ADAMTSL3: variants seen among roughly 807,000 people sequenced by gnomAD.
ADAMTSL3 encodes ADAMTS like 3, also known as ADAMTS-like protein 3.
A neutral mutation model predicts 201.7 loss-of-function variants in ADAMTSL3; 128 were observed. The observed-to-expected ratio is 0.63, with a 90% CI of 0.55 to 0.73. The LOEUF is 0.73. Ranked by LOEUF, ADAMTSL3 falls within the 30% of genes least tolerant of loss-of-function variation. The pLI is 0.00. For missense variants in ADAMTSL3, 1,990 were observed against 2,119.6 expected, an observed-to-expected ratio of 0.94 and a Z score of 1.20; for synonymous variants, 738 against 748.4, an observed-to-expected ratio of 0.99 and a Z score of 0.23.
chr15:84,037,859 C>T lies in ADAMTSL3; in HGVS notation c.*53C>T. 1 of 1,556,100 alleles carries T rather than the reference C, an allele frequency of 6.4e-7. No homozygotes were observed. Among genetic ancestry groups the T allele is most frequent in the South Asian group, 1.2e-5 (1 of 81,144 alleles). On this transcript the variant is annotated 3_prime_UTR_variant, in exon 30 of 30. Coordinates refer to ENST00000286744, the MANE Select transcript of ADAMTSL3 (RefSeq NM_207517.3). ...TGAAGATAAAAGTAGAATATAAAAG[C>T]TCTTTTCCCCATGTCGCTGATTCAA... is the stretch of plus-strand genomic sequence containing the variant.
At chr15:83,661,547 G>A (rs1486101860) in intron 2 of ADAMTSL3, among the ~76,000 whole-genome samples, 2 of 151,976 alleles carry the variant, frequency 1.3e-5, no homozygotes, top group Admixed American at 1.3e-4. Context: ...TGAAGCAATT[G>A]TGAACGGGAG....
chr15:83,991,240 G>A, intron 23 of ADAMTSL3, 26 bp downstream of exon 23: 1 of 1,613,484 alleles, frequency 6.2e-7, no homozygotes, highest in Non-Finnish European at 8.5e-7. Context: ...TCAGTGGGAG[G>A]CCATTTCAGT....
chr15:83,960,904 G>C (rs1005338299), intron 19 of ADAMTSL3, among the ~76,000 whole-genome samples: 1 of 152,154 alleles, frequency 6.6e-6, no homozygotes, highest in Non-Finnish European at 1.5e-5. Context: ...AAATCAAAAG[G>C]GAGGGAGGAA....
In ADAMTSL3 at chr15:83,938,492, A is replaced by G. The variant is rs1044043415; in HGVS notation, c.2118-4104A>G. On this transcript the variant is annotated intron_variant, in intron 17 of 29. Transcript: ENST00000286744. Reference sequence around the variant, plus strand: ...GCATTGCTACCCTTTAAAAGGGCAGATTTTATGTTATGTAAACTGCATCTC... The same window carrying G: ...GCATTGCTACCCTTTAAAAGGGCAGGTTTTATGTTATGTAAACTGCATCTC... Among the ~76,000 whole-genome samples the G allele has an allele frequency of 4.6e-5, 7 of 152,216 alleles. 1 individual carries two copies. Among genetic ancestry groups the G allele is most frequent in the African/African-American group, 1.7e-4 (7 of 41,454 alleles).
At chr15:83,967,217 T>C (rs1246559837) in intron 19 of ADAMTSL3, among the ~76,000 whole-genome samples, 1 of 152,114 alleles carries the variant, frequency 6.6e-6, no homozygotes, top group Non-Finnish European at 1.5e-5. Flanking sequence ...GGTATTCAAA[T>C]AGGAAGAGAG....
At chr15:83,958,401 A>G (rs2066898582) in intron 19 of ADAMTSL3, among the ~76,000 whole-genome samples, 1 of 152,144 alleles carries the variant, frequency 6.6e-6, no homozygotes, top group Non-Finnish European at 1.5e-5. Context: ...AAGGAAAGAG[A>G]TGTTCAGATC....
chr15:83,891,964 C>T (rs57548773), intron 12 of ADAMTSL3, among the ~76,000 whole-genome samples: 19,269 of 152,256 alleles, frequency 0.13, 1,514 homozygotes, highest in Non-Finnish European at 0.17. Flanking sequence ...CCTGTAATCC[C>T]AGCACTTTGG....
At chr15:83,755,167 G>A (rs1169955990) in intron 3 of ADAMTSL3, among the ~76,000 whole-genome samples, 2 of 152,028 alleles carry the variant, frequency 1.3e-5, no homozygotes, top group Non-Finnish European at 2.9e-5. Context: ...TTGAAAGAAA[G>A]GCTGTATTTA....
At chr15:83,679,620 G>T (rs564185538) in intron 2 of ADAMTSL3, among the ~76,000 whole-genome samples, 1 of 152,124 alleles carries the variant, frequency 6.6e-6, no homozygotes, top group Non-Finnish European at 1.5e-5. Flanking sequence ...CCACACAGTA[G>T]TTCAGTTCTC....
intron 2 of ADAMTSL3, among the ~76,000 whole-genome samples, chr15:83,691,234 A>C (rs1330942713): frequency 1.3e-5 from 2 of 152,204 alleles, no homozygotes; most frequent in African/African-American, 4.8e-5. Context: ...CAATGGTATT[A>C]CTTTGGTAAT....
chr15:83,743,294 A>G (rs1200163293), intron 3 of ADAMTSL3, among the ~76,000 whole-genome samples: 1 of 151,958 alleles, frequency 6.6e-6, no homozygotes, highest in Non-Finnish European at 1.5e-5. Flanking sequence ...CGGGTGGATC[A>G]TGAGGTCAGG....
intron 3 of ADAMTSL3, among the ~76,000 whole-genome samples, chr15:83,765,555 C>G (rs2062875591): frequency 6.6e-6 from 1 of 152,114 alleles, no homozygotes; most frequent in African/African-American, 2.4e-5. Flanking sequence ...AAGAACTTGT[C>G]AGGAAAATAT....
At chr15:84,036,224 A>C (rs1378142948) in intron 28 of ADAMTSL3, among the ~76,000 whole-genome samples, 2 of 152,224 alleles carry the variant, frequency 1.3e-5, no homozygotes, top group East Asian at 3.9e-4. Context: ...CAAGGAAATC[A>C]GAGATAGATT....
At chr15:83,756,734 C>T (rs930413419) in intron 3 of ADAMTSL3, among the ~76,000 whole-genome samples, 4 of 152,156 alleles carry the variant, frequency 2.6e-5, no homozygotes, top group Admixed American at 2.6e-4. Context: ...AGGCAAGTCA[C>T]TTCTGCCTAT....
chr15:83,695,784 A>C (rs2061679895), intron 2 of ADAMTSL3, among the ~76,000 whole-genome samples: 1 of 152,194 alleles, frequency 6.6e-6, no homozygotes, highest in Non-Finnish European at 1.5e-5. Flanking sequence ...TTTATATTTC[A>C]TCAGGAAGGT....
At chr15:83,795,144 G>A (rs548791660) in intron 4 of ADAMTSL3, among the ~76,000 whole-genome samples, 69 of 151,952 alleles carry the variant, frequency 4.5e-4, no homozygotes, top group African/African-American at 1.6e-3. Context: ...GTGAACCACC[G>A]TGCCCAGCCG....
chr15:83,959,634 C>T (rs1329469142), intron 19 of ADAMTSL3, among the ~76,000 whole-genome samples: 2 of 152,202 alleles, frequency 1.3e-5, no homozygotes, highest in Admixed American at 1.3e-4. Context: ...TTAAAGGCCA[C>T]AGGCAAATAG....
intron 15 of ADAMTSL3, among the ~76,000 whole-genome samples, chr15:83,909,864 C>T (rs1448407591): frequency 1.3e-5 from 2 of 152,198 alleles, no homozygotes; most frequent in African/African-American, 4.8e-5. Flanking sequence ...TATCCACCCA[C>T]CTCGGCCTCC....
At chr15:83,952,870 TAAAC>T (rs1185439228) in intron 19 of ADAMTSL3, among the ~76,000 whole-genome samples, 18 of 152,218 alleles carry the variant, frequency 1.2e-4, no homozygotes, top group South Asian at 4.1e-4. Context: ...CTCTATAAAT[TAAAC>T]AATGACATTC....
Sources: allele counts gnomAD v4.1 joint callset (sites outside exome capture counted in the v4.1 genomes callset), GRCh38; gene constraint gnomAD v4.1.1; transcripts MANE v1.5; gene names NCBI Gene and HGNC (gene_info 2026-07-23, HGNC 2026-07-21).